FLNB: variants seen among roughly 807,000 people sequenced by gnomAD.
The protein encoded by FLNB is filamin-B.
A neutral mutation model predicts 250.6 loss-of-function variants in FLNB; 111 were observed. The observed-to-expected ratio is 0.44, with a 90% CI of 0.38 to 0.52. The LOEUF (loss-of-function observed/expected upper bound fraction) is 0.52. FLNB is among the 20% of genes least tolerant of loss of function. The probability of loss-of-function intolerance (pLI) is 0.00; values close to 1 mark genes in which losing one functional copy is unlikely to be tolerated. For missense variants in FLNB, 2,869 were observed against 3,447.8 expected, an observed-to-expected ratio of 0.83 and a Z score of 4.20; for synonymous variants, 1,302 against 1,372.1, an observed-to-expected ratio of 0.95 and a Z score of 1.13.
At chr3:58,056,591 C>T (rs1200632365) in intron 1 of FLNB, among the ~76,000 whole-genome samples, 1 of 151,936 alleles carries the variant, frequency 6.6e-6, no homozygotes, top group Non-Finnish European at 1.5e-5. Flanking sequence ...CTATGACTAA[C>T]TCAGTTATGT....
At chr3:58,072,310 A>C (rs1576669932) in intron 1 of FLNB, among the ~76,000 whole-genome samples, 2 of 152,212 alleles carry the variant, frequency 1.3e-5, no homozygotes, top group African/African-American at 4.8e-5. Flanking sequence ...CTAGGTGGTT[A>C]GGCGGACCTG....
intron 1 of FLNB, among the ~76,000 whole-genome samples, chr3:58,036,820 A>G (rs1343129221): frequency 6.6e-6 from 1 of 152,228 alleles, no homozygotes; most frequent in Non-Finnish European, 1.5e-5. Flanking sequence ...ATGCCCAGGA[A>G]TGAACAAGGA....
At chr3:58,104,465 C>T (rs896107550) in intron 10 of FLNB, among the ~76,000 whole-genome samples, 1 of 152,228 alleles carries the variant, frequency 6.6e-6, no homozygotes, top group Non-Finnish European at 1.5e-5. Context: ...TTAAGACCGT[C>T]TACGTGAGTG....
intron 1 of FLNB, among the ~76,000 whole-genome samples, chr3:58,033,906 G>C (rs839234): frequency 0.13 from 19,550 of 152,074 alleles, 2,458 homozygotes; most frequent in East Asian, 0.49. Context: ...TGTTGAACAG[G>C]CTGGAGTGCA....
At chr3:58,154,531 C>G (rs1427191187) in intron 39 of FLNB, 1 of 401,294 alleles carries the variant, frequency 2.5e-6, no homozygotes, top group Admixed American at 3.9e-5. Context: ...GGCAGCAGAG[C>G]AAGACTCCGT....
chr3:58,105,745 T>C (rs1267153994), intron 11 of FLNB, among the ~76,000 whole-genome samples: 1 of 152,200 alleles, frequency 6.6e-6, no homozygotes, highest in East Asian at 1.9e-4. Context: ...AAAGCAGCTA[T>C]AGGAATACGT....
chr3:58,118,152 G>T (rs771932535), intron 18 of FLNB, among the ~76,000 whole-genome samples: 1 of 152,210 alleles, frequency 6.6e-6, no homozygotes, highest in African/African-American at 2.4e-5. Flanking sequence ...TGGCTATCGC[G>T]TGCCACCCGG....
At chr3:58,104,172 G>C (rs1485606608) in intron 10 of FLNB, 87 bp downstream of exon 10, 9 of 1,402,166 alleles carry the variant, frequency 6.4e-6, no homozygotes, top group Non-Finnish European at 8.9e-6. Flanking sequence ...GGCTGCAGGA[G>C]GGAAAGAGAT....
intron 1 of FLNB, among the ~76,000 whole-genome samples, chr3:58,060,307 G>A (rs900557287): frequency 6.6e-5 from 10 of 151,930 alleles, no homozygotes; most frequent in Middle Eastern, 3.4e-3. Context: ...GTTTGAGCCC[G>A]GGAGTTTGAG....
chr3:58,111,901 T>G lies in FLNB; in HGVS notation c.2575+20T>G, dbSNP rs1559701163. The G allele has an allele frequency of 6.2e-7, 1 of 1,601,088 alleles. No homozygotes were observed. Among genetic ancestry groups the G allele is most frequent in the South Asian group, 1.1e-5 (1 of 90,754 alleles). On this transcript the variant is annotated intron_variant, in intron 17 of 45. Coordinates refer to ENST00000295956, the MANE Select transcript of FLNB (RefSeq NM_001457.4). Reference sequence around the variant, plus strand: ...AAGCAGGTAAGATGGCACGTCTAGGTTGTCCTGGGCCCCTCTGCCAGCCGG... The same window carrying G: ...AAGCAGGTAAGATGGCACGTCTAGGGTGTCCTGGGCCCCTCTGCCAGCCGG...
chr3:58,144,338 C>T (rs766257413), intron 32 of FLNB, among the ~76,000 whole-genome samples: 1 of 152,122 alleles, frequency 6.6e-6, no homozygotes, highest in African/African-American at 2.4e-5. Flanking sequence ...GCAGACCTCC[C>T]GCCTTTGTCT....
intron 45 of FLNB, among the ~76,000 whole-genome samples, chr3:58,170,328 T>G (rs1300598022): frequency 1.3e-5 from 2 of 152,134 alleles, no homozygotes; most frequent in African/African-American, 4.8e-5. Flanking sequence ...TGTTTACAGA[T>G]GGGGAAGCTG....
At chr3:58,102,067 CCTGGT>C in intron 8 of FLNB, 131 bp from the exon 9 acceptor site, 1 of 890,780 alleles carries the variant, frequency 1.1e-6, no homozygotes, top group South Asian at 1.5e-5. Flanking sequence ...GAGTGGGACC[CCTGGT>C]CTTGGGCAAC....
chr3:58,087,434 G>A (rs1473943540), intron 4 of FLNB, among the ~76,000 whole-genome samples: 2 of 152,012 alleles, frequency 1.3e-5, no homozygotes, highest in Non-Finnish European at 2.9e-5. Context: ...ACTGTGCAGT[G>A]CTCTCTACAT....
intron 42 of FLNB, among the ~76,000 whole-genome samples, chr3:58,159,931 G>A (rs2097358856): frequency 6.6e-6 from 1 of 152,020 alleles, no homozygotes; most frequent in Non-Finnish European, 1.5e-5. Context: ...GCTGGGCTGG[G>A]TACAGTGCCT....
At chr3:58,020,682 T>C (rs1346250306) in intron 1 of FLNB, among the ~76,000 whole-genome samples, 1 of 150,372 alleles carries the variant, frequency 6.7e-6, no homozygotes, top group Non-Finnish European at 1.5e-5. Context: ...TGTCAGCCTT[T>C]ACCATGCCAG....
intron 1 of FLNB, among the ~76,000 whole-genome samples, chr3:58,021,172 G>T (rs1011617670): frequency 1.2e-4 from 19 of 152,174 alleles, no homozygotes; most frequent in Non-Finnish European, 1.6e-4. Context: ...TGGGAGCAGG[G>T]GCCCGGCCTG....
chr3:58,052,711 A>T (rs1576638638), intron 1 of FLNB, among the ~76,000 whole-genome samples: 1 of 152,222 alleles, frequency 6.6e-6, no homozygotes, highest in South Asian at 2.1e-4. Context: ...AGGTGTGTGA[A>T]CTGACCTGCC....
rs757752630 is a variant in FLNB, at chr3:58,153,651, GC to G, written c.6634+11del. ...GAAGCGGGAGTCCCAGGTGAGCATTGCGGGCAGGATTTTCACTTGGGAAGAA... is the reference window on the plus strand; with the variant it reads ...GAAGCGGGAGTCCCAGGTGAGCATTGGGGCAGGATTTTCACTTGGGAAGAA... On this transcript the variant is annotated intron_variant, in intron 39 of 45. Coordinates refer to ENST00000295956, the MANE Select transcript of FLNB (RefSeq NM_001457.4). 4.3e-6 allele frequency: 7 copies of G among 1,613,872 alleles called. No homozygotes were observed. Among genetic ancestry groups the G allele is most frequent in the Non-Finnish European group, 4.2e-6 (5 of 1,179,920 alleles).
Sources: allele counts gnomAD v4.1 joint callset (sites outside exome capture counted in the v4.1 genomes callset), GRCh38; gene constraint gnomAD v4.1.1; transcripts MANE v1.5; gene names NCBI Gene and HGNC (gene_info 2026-07-23, HGNC 2026-07-21).